Variants in GALNT13 observed in about 807,000 individuals in gnomAD.
The protein encoded by GALNT13 is UDP-GalNAc:polypeptide N-acetylgalactosaminyltransferase 13.
Under a neutral mutation model 64.2 loss-of-function variants are expected in GALNT13, and 28 were observed. That is an observed-to-expected ratio of 0.44 (90% CI 0.32 to 0.60). The LOEUF (loss-of-function observed/expected upper bound fraction) is 0.60. Ranked by LOEUF, GALNT13 falls within the 20% of genes least tolerant of loss-of-function variation. GALNT13 has a pLI of 0.05. For synonymous variants in GALNT13, 214 were observed against 224.6 expected (o/e 0.95, Z 0.42); for missense variants, 577 against 669.8 (o/e 0.86, Z 1.53).
the GALNT13 span, among the ~76,000 whole-genome samples, chr2:153,510,984 A>G: frequency 6.6e-6 from 1 of 152,020 alleles, no homozygotes; most frequent in African/African-American, 2.4e-5. Context: ...AGAGGTAAGG[A>G]TGAAAGACTG....
intron 9 of GALNT13, among the ~76,000 whole-genome samples, chr2:154,318,724 CAA>C (rs5835510): frequency 4.6e-4 from 44 of 96,616 alleles, no homozygotes; most frequent in Admixed American, 7.5e-4. Flanking sequence ...AACTCCATTT[CAA>C]AAAAAAAAAA....
chr2:153,516,283 C>A, the GALNT13 span, among the ~76,000 whole-genome samples: 2 of 152,110 alleles, frequency 1.3e-5, no homozygotes, highest in Non-Finnish European at 1.5e-5. Flanking sequence ...GTGCCAAAGT[C>A]CTCAGTAAAC....
At chr2:153,086,518 A>G in the GALNT13 span, among the ~76,000 whole-genome samples, 1 of 152,066 alleles carries the variant, frequency 6.6e-6, no homozygotes, top group African/African-American at 2.4e-5. Context: ...CCCTGCACAC[A>G]GTCTCTTGCC....
At chr2:154,149,605 A>T (rs1002439851) in intron 4 of GALNT13, among the ~76,000 whole-genome samples, 5 of 151,972 alleles carry the variant, frequency 3.3e-5, no homozygotes, top group African/African-American at 1.2e-4. Flanking sequence ...TATTTCCTTG[A>T]GCAGTGGTTT....
At chr2:153,471,580 A>C in the GALNT13 span, among the ~76,000 whole-genome samples, 1 of 152,234 alleles carries the variant, frequency 6.6e-6, no homozygotes, top group South Asian at 2.1e-4. Context: ...TCTGCCTGTA[A>C]ATTTCTAGAG....
chr2:153,462,829 T>C, the GALNT13 span, among the ~76,000 whole-genome samples: 1 of 152,130 alleles, frequency 6.6e-6, no homozygotes, highest in African/African-American at 2.4e-5. Context: ...TGGTCCTGGC[T>C]CATAAATAGG....
the GALNT13 span, among the ~76,000 whole-genome samples, chr2:153,438,450 C>G: frequency 6.6e-6 from 1 of 152,230 alleles, no homozygotes; most frequent in Non-Finnish European, 1.5e-5. Flanking sequence ...CTCCCCATCA[C>G]TTTCAGGTAC....
the GALNT13 span, among the ~76,000 whole-genome samples, chr2:153,333,070 A>G: frequency 1.3e-5 from 2 of 152,232 alleles, no homozygotes; most frequent in Admixed American, 6.5e-5. Flanking sequence ...CCTGCTCCAG[A>G]GCTGGTGCTC....
intron 4 of GALNT13, among the ~76,000 whole-genome samples, chr2:154,182,200 A>G (rs1458693151): frequency 6.6e-6 from 1 of 152,182 alleles, no homozygotes; most frequent in African/African-American, 2.4e-5. Context: ...AACTTGAGAA[A>G]TAGAGTTTCA....
chr2:153,952,271 G>T (rs1005291087), intron 3 of GALNT13, among the ~76,000 whole-genome samples: 2 of 152,148 alleles, frequency 1.3e-5, no homozygotes, highest in African/African-American at 4.8e-5. Flanking sequence ...TGGGCGTTAT[G>T]ACATAGTGGA....
At chr2:153,390,310 G>A in the GALNT13 span, among the ~76,000 whole-genome samples, 13 of 152,112 alleles carry the variant, frequency 8.5e-5, no homozygotes, top group Admixed American at 2.0e-4. Flanking sequence ...AGGGCCTGTC[G>A]GGAGGTGGGG....
At chr2:153,853,796 T>G in the GALNT13 span, among the ~76,000 whole-genome samples, 63,096 of 150,400 alleles carry the variant, frequency 0.42, 14,176 homozygotes, top group Admixed American at 0.57. Context: ...GATTCAATTA[T>G]ATAAAATTCT....
the GALNT13 span, among the ~76,000 whole-genome samples, chr2:153,626,017 A>G: frequency 6.6e-6 from 1 of 152,120 alleles, no homozygotes; most frequent in African/African-American, 2.4e-5. Context: ...CATTTTACAA[A>G]TCATGAAACT....
the GALNT13 span, among the ~76,000 whole-genome samples, chr2:153,394,930 C>T: frequency 2.0e-5 from 3 of 152,114 alleles, no homozygotes; most frequent in Non-Finnish European, 4.4e-5. Context: ...TGTCCTCCTC[C>T]AGAGGCTGAA....
chr2:153,521,282 GT>G, the GALNT13 span, among the ~76,000 whole-genome samples: 952 of 146,816 alleles, frequency 6.5e-3, 4 homozygotes, highest in Non-Finnish European at 9.7e-3. Flanking sequence ...ATACCATTAG[GT>G]TTTTTTTTTT....
chr2:153,896,422 A>G (rs936395991), intron 1 of GALNT13, among the ~76,000 whole-genome samples: 8 of 151,488 alleles, frequency 5.3e-5, no homozygotes, highest in Non-Finnish European at 1.2e-4. Context: ...TTTAATCTGA[A>G]TATATAAATA....
At position 154,409,012 on chromosome 2, in the gene GALNT13, T is replaced by C. The variant is rs1358915208; in HGVS notation, c.1325T>C (p.Leu442Ser). Residue 442 changes from leucine (L) to serine (S), a missense_variant, in exon 11 of 13, where the codon TTA (leucine) becomes TCA (serine). Coordinates refer to ENST00000392825, the MANE Select transcript of GALNT13 (RefSeq NM_052917.4). ...AGAAATGTTGAAACCAATCAGTGTT[T>C]AGACAACATGGGCCGCAAGGAAAAT... is the stretch of plus-strand genomic sequence containing the variant. ...EIRNVETNQC[L>S]DNMGRKENEK... 2.5e-6 allele frequency: 4 copies of C among 1,610,980 alleles called. No homozygotes were observed. In the Admixed American group the frequency reaches 5.0e-5, roughly 20 times the overall value.
At chr2:154,074,353 G>A (rs1700882388) in intron 3 of GALNT13, among the ~76,000 whole-genome samples, 1 of 151,904 alleles carries the variant, frequency 6.6e-6, no homozygotes, top group Non-Finnish European at 1.5e-5. Context: ...GGTATAACAT[G>A]ATACAAGGAC....
intron 8 of GALNT13, among the ~76,000 whole-genome samples, chr2:154,282,585 C>T (rs1340833194): frequency 6.6e-6 from 1 of 152,114 alleles, no homozygotes; most frequent in Non-Finnish European, 1.5e-5. Flanking sequence ...TCTAAGGACT[C>T]TCCAGATTAA....
Sources: allele counts gnomAD v4.1 joint callset (sites outside exome capture counted in the v4.1 genomes callset), GRCh38; gene constraint gnomAD v4.1.1; transcripts MANE v1.5; gene names NCBI Gene and HGNC (gene_info 2026-07-23, HGNC 2026-07-21).